The following HIVEP3 variants were observed in gnomAD, a reference collection of about 807,000 sequenced individuals.
HIVEP3 encodes the protein HIVEP zinc finger 3, also known as transcription factor HIVEP3.
A neutral mutation model predicts 152.8 loss-of-function variants in HIVEP3; 49 were observed. The ratio of observed to expected loss-of-function variants is 0.32; its 90% CI spans 0.26 to 0.41. The LOEUF (loss-of-function observed/expected upper bound fraction) is 0.41, where lower values mean the gene tolerates loss of function less well. Among genes scored for constraint, HIVEP3 ranks in the 10% least tolerant of loss-of-function variants. The pLI, the probability that HIVEP3 is intolerant of heterozygous loss-of-function variation, is 1.00. For missense variants in HIVEP3, 2,790 were observed against 3,103.3 expected, an observed-to-expected ratio of 0.90 and a Z score of 2.40; for synonymous variants, 1,269 against 1,289.0, an observed-to-expected ratio of 0.98 and a Z score of 0.33.
chr1:41,893,580 C>A (rs1644481005), intron 1 of HIVEP3, among the ~76,000 whole-genome samples: 1 of 151,954 alleles, frequency 6.6e-6, no homozygotes, highest in Non-Finnish European at 1.5e-5. Context: ...GGTGCCAAGG[C>A]TGAGAAACCC....
At chr1:41,972,510 A>G (rs758241307) in intron 1 of HIVEP3, among the ~76,000 whole-genome samples, 7 of 152,230 alleles carry the variant, frequency 4.6e-5, no homozygotes, top group African/African-American at 7.2e-5. Context: ...AGGGAGATGG[A>G]CATTAAACTG....
chr1:41,730,758 T>C (rs1646827538), intron 1 of HIVEP3, among the ~76,000 whole-genome samples: 1 of 152,136 alleles, frequency 6.6e-6, no homozygotes, highest in South Asian at 2.1e-4. Context: ...CCCAGTGGGA[T>C]GTGGGCAGCA....
chr1:42,017,854 G>T (rs1645532782), intron 1 of HIVEP3, among the ~76,000 whole-genome samples: 1 of 152,050 alleles, frequency 6.6e-6, no homozygotes, highest in Admixed American at 6.6e-5. Flanking sequence ...CTGCCCAACG[G>T]TCTTCCATAA....
intron 2 of HIVEP3, among the ~76,000 whole-genome samples, chr1:41,632,186 C>T (rs552469075): frequency 6.6e-6 from 1 of 152,170 alleles, no homozygotes; most frequent in Non-Finnish European, 1.5e-5. Context: ...TCCCTCACCC[C>T]GAGTATGGCC....
At chr1:41,972,243 C>T (rs1645234107) in intron 1 of HIVEP3, among the ~76,000 whole-genome samples, 1 of 152,212 alleles carries the variant, frequency 6.6e-6, no homozygotes, top group Admixed American at 6.5e-5. Context: ...TCCACCTCCC[C>T]TCTGCTATAC....
At chr1:41,676,502 C>T (rs2124081450) in intron 2 of HIVEP3, among the ~76,000 whole-genome samples, 1 of 152,312 alleles carries the variant, frequency 6.6e-6, no homozygotes, top group East Asian at 1.9e-4. Flanking sequence ...CAGGGTCACA[C>T]AATGCTTCCG....
chr1:41,518,609 C>T (rs1642675531), intron 6 of HIVEP3, 121 bp from the exon 7 acceptor site: 2 of 913,922 alleles, frequency 2.2e-6, no homozygotes, highest in East Asian at 2.5e-5. Flanking sequence ...CAAGGCCCTG[C>T]CAGCTGCAGG....
At chr1:41,704,155 C>T (rs112643163) in intron 1 of HIVEP3, among the ~76,000 whole-genome samples, 2,577 of 152,302 alleles carry the variant, frequency 0.017, 87 homozygotes, top group African/African-American at 0.059. Context: ...TCCACAGCCA[C>T]AGTAACAATG....
intron 1 of HIVEP3, among the ~76,000 whole-genome samples, chr1:41,910,660 G>A (rs1049306215): frequency 2.0e-5 from 3 of 151,826 alleles, no homozygotes; most frequent in Non-Finnish European, 2.9e-5. Flanking sequence ...TTACAACCAA[G>A]TCAGGTTTAT....
Position 41,759,028 on chromosome 1 carries a change from C to T in HIVEP3, c.-800-58033G>A, listed in dbSNP as rs114973843. Among the ~76,000 whole-genome samples, 1,119 of 152,190 alleles carry T rather than the reference C, an allele frequency of 7.4e-3. 8 individuals carry two copies. The highest frequency in any genetic ancestry group is 0.024 in the African/African-American group (980 of 41,540). The stretch of plus-strand genomic sequence containing the variant: ...TGCTTTCGCAGTGTTGTGCAACCAT[C>T]ACCACTATCAAGGTCCAGAACTTTT... On this transcript the variant is annotated intron_variant, in intron 1 of 8. Coordinates refer to ENST00000372583, the MANE Select transcript of HIVEP3 (RefSeq NM_024503.5).
chr1:41,898,636 C>T (rs777871972), intron 1 of HIVEP3, among the ~76,000 whole-genome samples: 3 of 152,178 alleles, frequency 2.0e-5, no homozygotes, highest in South Asian at 2.1e-4. Flanking sequence ...ATACACAGGA[C>T]GTGGAATAAG....
intron 1 of HIVEP3, among the ~76,000 whole-genome samples, chr1:41,879,535 C>T (rs1372904461): frequency 2.0e-5 from 3 of 152,210 alleles, no homozygotes; most frequent in African/African-American, 7.2e-5. Flanking sequence ...TTAACATATT[C>T]TGGAGCACTT....
At chr1:41,957,655 G>A (rs1321357406) in intron 1 of HIVEP3, among the ~76,000 whole-genome samples, 1 of 152,196 alleles carries the variant, frequency 6.6e-6, no homozygotes, top group East Asian at 1.9e-4. Context: ...AACTCTAGTG[G>A]AGGAGGATGA....
chr1:41,981,695 A>C (rs1645294913), intron 1 of HIVEP3, among the ~76,000 whole-genome samples: 1 of 152,172 alleles, frequency 6.6e-6, no homozygotes, highest in Admixed American at 6.5e-5. Context: ...AAGGTAAAGG[A>C]AATTGCGTTT....
At chr1:41,527,545 A>AC (rs1243870973) in intron 5 of HIVEP3, among the ~76,000 whole-genome samples, 1 of 99,048 alleles carries the variant, frequency 1.0e-5, no homozygotes, top group Admixed American at 1.1e-4. Context: ...TCACGTATAC[A>AC]CCCCCACACC....
intron 1 of HIVEP3, among the ~76,000 whole-genome samples, chr1:41,706,908 G>A (rs911165169): frequency 6.6e-6 from 1 of 152,140 alleles, no homozygotes; most frequent in African/African-American, 2.4e-5. Flanking sequence ...GTTCTATAAA[G>A]GCAATTCACT....
chr1:41,931,741 T>C (rs1373670885), intron 1 of HIVEP3, among the ~76,000 whole-genome samples: 2 of 152,036 alleles, frequency 1.3e-5, no homozygotes, highest in African/African-American at 2.4e-5. Context: ...GAAAAGGCTA[T>C]TGCTCTCTAA....
intron 1 of HIVEP3, among the ~76,000 whole-genome samples, chr1:41,849,696 C>CTT (rs750021881): frequency 3.5e-5 from 5 of 142,556 alleles, no homozygotes; most frequent in Non-Finnish European, 4.6e-5. Flanking sequence ...AGACCCAAAT[C>CTT]TTTTTTTTTT....
At chr1:41,800,554 C>T (rs1650242514) in intron 1 of HIVEP3, among the ~76,000 whole-genome samples, 2 of 152,252 alleles carry the variant, frequency 1.3e-5, no homozygotes, top group South Asian at 4.1e-4. Context: ...CAGCCAAGAC[C>T]AGCAGAGAAC....
Sources: gnomAD v4.1 joint callset for allele counts (sites outside exome capture counted in the v4.1 genomes callset) on GRCh38, gnomAD v4.1.1 for gene constraint, MANE v1.5 for transcripts, NCBI Gene and HGNC (gene_info 2026-07-23, HGNC 2026-07-21) for gene names.